The following AATK variants were observed in gnomAD, a reference collection of about 807,000 sequenced individuals.
The protein encoded by AATK is serine/threonine-protein kinase LMTK1.
In AATK, 91 loss-of-function variants were observed where a neutral mutation model predicts 114.3. The observed-to-expected ratio is 0.80, with a 90% confidence interval of 0.67 to 0.95. AATK has a LOEUF of 0.95. Among genes scored for constraint, AATK ranks in the 40% least tolerant of loss-of-function variants. AATK has a pLI of 0.00. For synonymous variants in AATK, 1,075 were observed against 916.5 expected, an observed-to-expected ratio of 1.17 and a Z score of -3.12; for missense variants, 2,176 against 1,965.2, an observed-to-expected ratio of 1.11 and a Z score of -2.03.
chr17:81,119,256 A>AGGAGCGGGGCCGGGAC, intron 13 of AATK, 124 bp downstream of exon 13: 3 of 948,202 alleles, frequency 3.2e-6, no homozygotes, highest in Non-Finnish European at 4.3e-6. Context: ...GGGGCCGGGA[A>AGGAGCGGGGCCGGGAC]GGAGCGGAGC....
chr17:81,156,724 T>C (rs574169338), intron 1 of AATK, among the ~76,000 whole-genome samples: 14 of 152,338 alleles, frequency 9.2e-5, no homozygotes, highest in African/African-American at 3.1e-4. Context: ...ATCTTTTAAA[T>C]CATTTTTTTC....
chr17:81,153,201 T>C (rs2146396765), intron 1 of AATK, among the ~76,000 whole-genome samples: 1 of 152,292 alleles, frequency 6.6e-6, no homozygotes, highest in South Asian at 2.1e-4. Flanking sequence ...GATTAGGAAA[T>C]TCCAGAGCTT....
In AATK at chr17:81,123,359, C is replaced by T. The variant is rs569836630; in HGVS notation, c.963-16G>A. ...GCCCAGGGACCTGTGGGGCGACAGC[C>T]GTGAGCCAGGGCTGGGCACAGCCTG... On this transcript the variant is annotated splice_polypyrimidine_tract_variant and intron_variant, in intron 9 of 13. Coordinates refer to ENST00000326724, the MANE Select transcript of AATK (RefSeq NM_001080395.3). 51 of 1,355,630 alleles carry T rather than the reference C, an allele frequency of 3.8e-5. No individual in the cohort carries two copies. The highest frequency in any genetic ancestry group is 3.3e-4 in the South Asian group (18 of 55,334). 84.0% of individuals were successfully genotyped at this position (1,355,630 alleles called of 1,614,324 possible). A position where few individuals can be genotyped will look rare whatever the true frequency, so the allele number is the denominator to read the frequency against.
At chr17:81,161,217 C>T (rs1160138892) in intron 1 of AATK, among the ~76,000 whole-genome samples, 3 of 152,136 alleles carry the variant, frequency 2.0e-5, no homozygotes, top group Non-Finnish European at 4.4e-5. Context: ...GAGGAAAGCA[C>T]GGCATGGGCA....
At position 81,166,126 on chromosome 17, in the gene AATK, C is replaced by CGCCCCG. The variant is rs1567833374; in HGVS notation, c.-135_-134insCGGGGC. On this transcript the variant is annotated 5_prime_UTR_variant, in exon 1 of 14. Transcript: ENST00000326724. ...CGCCGGCCCCCGCGCCCCGCGCCCC[C>CGCCCCG]CGCCGCAGCCGCAGAGCCCGCACCG... is the stretch of plus-strand genomic sequence containing the variant. 76 of 376,904 alleles carry CGCCCCG rather than the reference C, an allele frequency of 2.0e-4. No individual in the cohort carries two copies. Among genetic ancestry groups the CGCCCCG allele is most frequent in the Non-Finnish European group, 2.5e-4 (71 of 278,856 alleles). The allele number at this position is 376,904 out of a possible 1,614,324, so 23.3% of individuals were successfully genotyped here. A position where few individuals can be genotyped will look rare whatever the true frequency, so the allele number is the denominator to read the frequency against.
rs200848510 is a variant in AATK at position 81,121,036 on chromosome 17, G to A, written c.2900C>T (p.Ala967Val). 7.5e-5 allele frequency: 120 copies of A among 1,609,596 alleles called. No homozygotes were observed. Among genetic ancestry groups the A allele is most frequent in the Middle Eastern group, 6.6e-4 (4 of 6,050 alleles). The change falls in exon 11 of 14, where the codon GCC (alanine) becomes GTC (valine). Residue 967 changes from alanine (A) to valine (V), a missense_variant. Around this residue, in one of 4 missense-constraint regions of AATK, gnomAD observed 1,701 missense variants for 1,394.7 expected, o/e 1.22. Transcript: ENST00000326724. ...GCEPQAFAEL[A>V]SEGEGPGPET... ...GGGCCCGGGGCCCTCACCCTCTGAG[G>A]CCAGCTCCGCAAAGGCCTGGGGCTC...
At chr17:81,163,791 C>T (rs573152894) in intron 1 of AATK, among the ~76,000 whole-genome samples, 8 of 152,376 alleles carry the variant, frequency 5.3e-5, no homozygotes, top group Admixed American at 2.6e-4. Flanking sequence ...CCACAACTGC[C>T]GTCACCTCTA....
intron 1 of AATK, among the ~76,000 whole-genome samples, chr17:81,140,575 A>G (rs1256170927): frequency 6.7e-6 from 1 of 149,654 alleles, no homozygotes; most frequent in East Asian, 1.9e-4. Context: ...AGCCAGGGTC[A>G]TCCCGAGGGT....
At chr17:81,123,520 A>G (rs1267634023) in intron 9 of AATK, among the ~76,000 whole-genome samples, 177 bp from the exon 10 acceptor site, 6 of 152,144 alleles carry the variant, frequency 3.9e-5, no homozygotes, top group Admixed American at 1.3e-4. Flanking sequence ...TCAGCAGGCA[A>G]TGTGCACCCT....
chr17:81,128,498 T>C lies in AATK; in HGVS notation c.386A>G (p.Lys129Arg). ...DVGRHSLLYLKEIGRGWFGKV... is the reference protein window; with the variant it reads ...DVGRHSLLYLREIGRGWFGKV... ...CCCGAACCAGCCACGGCCGATTTCC[T>C]TCAGGTACAGGAGGCTGTGCCGGCC... Residue 129 changes from lysine (K) to arginine (R), a missense_variant, in exon 4 of 14, where the codon AAG becomes AGG. Physicochemically the swap from Lys to Arg is conservative, Grantham distance 26. Around this residue, in one of 4 missense-constraint regions of AATK, gnomAD observed 24 missense variants for 50.9 expected, o/e 0.47. Transcript: ENST00000326724. 6.5e-7 allele frequency: 1 copy of C among 1,549,348 alleles called. No individual in the cohort carries two copies.
chr17:81,123,116 G>A, intron 10 of AATK, 78 bp downstream of exon 10: 1 of 1,361,250 alleles, frequency 7.3e-7, no homozygotes, highest in African/African-American at 1.5e-5. Flanking sequence ...CAGGGGGTCA[G>A]GGTGAGCCGC....
At chr17:81,139,319 G>C (rs938479197) in intron 1 of AATK, among the ~76,000 whole-genome samples, 1 of 152,208 alleles carries the variant, frequency 6.6e-6, no homozygotes, top group South Asian at 2.1e-4. Flanking sequence ...AGCAGGTGGG[G>C]AGGCCTCTGT....
intron 13 of AATK, among the ~76,000 whole-genome samples, chr17:81,119,066 G>A (rs555952534): frequency 2.5e-4 from 38 of 152,318 alleles, no homozygotes; most frequent in African/African-American, 8.7e-4. Flanking sequence ...GGAAGGTTCC[G>A]GTGAGAGGGC....
Position 81,119,399 on chromosome 17 carries a change from C to G in AATK, c.4065G>C (p.Ser1355=). 1 of 1,557,860 alleles carries G rather than the reference C, an allele frequency of 6.4e-7. No homozygotes were observed. The highest frequency in any genetic ancestry group is 1.2e-5 in the South Asian group (1 of 85,990). ...SRFSITHVSD[S]DAESKRGPEA... is the part of the protein sequence containing the mutation. ...CCTCACCTCTCTTGGACTCGGCGTC[C>G]GAGTCAGACACGTGCGTGATGGAGA... The change falls in exon 13 of 14, where the codon TCG becomes TCC. Residue 1355 remains serine (S), a synonymous_variant. Coordinates refer to ENST00000326724, the MANE Select transcript of AATK (RefSeq NM_001080395.3).
intron 1 of AATK, among the ~76,000 whole-genome samples, chr17:81,161,924 G>A (rs1598231953): frequency 6.6e-6 from 1 of 152,112 alleles, no homozygotes. Flanking sequence ...TGGGGCACTC[G>A]GGCCCACAGG....
chr17:81,131,828 T>C (rs944923394), intron 2 of AATK: 17 of 1,294,130 alleles, frequency 1.3e-5, no homozygotes, highest in Non-Finnish European at 1.6e-5. Context: ...CCCCCACCCC[T>C]GCCGGGACAA....
chr17:81,121,907 G>A lies in AATK; in HGVS notation c.2029C>T (p.His677Tyr), dbSNP rs61738829. The part of the protein sequence containing the change: ...VGARRAAQRG[H>Y]WRSNVSANNN... ...TTGGCTGACACGTTGGAGCGCCAGT[G>A]CCCGCGCTGGGCGGCCCTCCGCGCT... The change falls in exon 11 of 14, where the codon CAC (histidine) becomes TAC (tyrosine). Residue 677 changes from histidine to tyrosine, a missense_variant. Transcript: ENST00000326724. The A allele has an allele frequency of 1.3e-3, 2,136 of 1,600,704 alleles. 26 individuals carry two copies. In the African/African-American group the frequency reaches 0.025, roughly 18 times the overall value.
At chr17:81,140,920 T>C (rs1328250912) in intron 1 of AATK, among the ~76,000 whole-genome samples, 6 of 59,246 alleles carry the variant, frequency 1.0e-4, no homozygotes, top group Non-Finnish European at 2.1e-4. Flanking sequence ...CGTGGGGCCG[T>C]GGGACCGTGG....
rs1396158205 is a variant in AATK at position 81,124,810 on chromosome 17, AG to A, written c.878del (p.Pro293LeufsTer33). The A allele has an allele frequency of 5.0e-6, 8 of 1,612,550 alleles. No homozygotes were observed. The highest frequency in any genetic ancestry group is 6.8e-6 in the Non-Finnish European group (8 of 1,179,700). ...YFVTADQLWV[P>X]LRWIAPELVD... ...CCAGCTCTGGCGCGATCCAGCGCAGAGGCACCCACAGCTGGTCGGCAGTCAC... is the reference window on the plus strand; with the variant it reads ...CCAGCTCTGGCGCGATCCAGCGCAGAGCACCCACAGCTGGTCGGCAGTCAC... On this transcript the variant is annotated frameshift_variant, in exon 9 of 14. Transcript: ENST00000326724. LOFTEE classifies it high-confidence loss of function.
Sources: gnomAD v4.1 joint callset for allele counts (sites outside exome capture counted in the v4.1 genomes callset) on GRCh38, gnomAD v4.1.1 for gene constraint, gnomAD v4.1.1 regional missense constraint, MANE v1.5 for transcripts, NCBI Gene and HGNC (gene_info 2026-07-23, HGNC 2026-07-21) for gene names.